The following WWOX variants were observed in gnomAD, a reference collection of about 807,000 sequenced individuals.
WWOX encodes WW domain-containing oxidoreductase.
A neutral mutation model predicts 46.2 loss-of-function variants in WWOX; 69 were observed. The ratio of observed to expected loss-of-function variants is 1.49; its 90% CI spans 1.23 to 1.82. The LOEUF (loss-of-function observed/expected upper bound fraction) is 1.82. Ranked by LOEUF, WWOX falls within the 40% of genes most tolerant of loss-of-function variation. The pLI is 0.00. For synonymous variants in WWOX, 359 were observed against 202.6 expected, an observed-to-expected ratio of 1.77 and a Z score of -6.56; for missense variants, 919 against 542.6, an observed-to-expected ratio of 1.69 and a Z score of -6.89.
chr16:78,685,700 T>A (rs189310295), intron 8 of WWOX, among the ~76,000 whole-genome samples: 13 of 152,320 alleles, frequency 8.5e-5, no homozygotes, highest in Admixed American at 8.5e-4. Flanking sequence ...AGAACTCCTG[T>A]CCTCCCTCTT....
chr16:78,578,437 C>T (rs1175142168), intron 8 of WWOX, among the ~76,000 whole-genome samples: 1 of 150,286 alleles, frequency 6.7e-6, no homozygotes, highest in Admixed American at 6.6e-5. Flanking sequence ...CTATAGGCGC[C>T]CACCACCATG....
At chr16:78,556,549 G>C (rs1340749909) in intron 8 of WWOX, among the ~76,000 whole-genome samples, 1 of 152,046 alleles carries the variant, frequency 6.6e-6, no homozygotes, top group East Asian at 1.9e-4. Context: ...AATGGAAATG[G>C]GTCTTGAAAT....
chr16:78,322,944 A>T (rs756575625), intron 5 of WWOX, among the ~76,000 whole-genome samples: 1 of 152,170 alleles, frequency 6.6e-6, no homozygotes, highest in Non-Finnish European at 1.5e-5. Flanking sequence ...TATGAAAACC[A>T]TTCTTAGTTT....
intron 8 of WWOX, among the ~76,000 whole-genome samples, chr16:78,688,540 C>G (rs1380133586): frequency 6.6e-6 from 1 of 152,134 alleles, no homozygotes; most frequent in East Asian, 1.9e-4. Flanking sequence ...GACAGGTGCC[C>G]TCCTCAGCGG....
At chr16:78,716,065 G>A (rs1427905949) in intron 8 of WWOX, among the ~76,000 whole-genome samples, 3 of 150,156 alleles carry the variant, frequency 2.0e-5, no homozygotes, top group Admixed American at 2.0e-4. Context: ...CTAAAGGAAA[G>A]GGGAAAAAAA....
intron 8 of WWOX, among the ~76,000 whole-genome samples, chr16:78,980,171 C>G (rs925711001): frequency 3.3e-5 from 5 of 152,140 alleles, no homozygotes; most frequent in African/African-American, 9.7e-5. Flanking sequence ...TCCTCCAACT[C>G]CCACCCCAAA....
intron 8 of WWOX, among the ~76,000 whole-genome samples, chr16:78,613,154 G>T (rs1396959768): frequency 6.6e-6 from 1 of 152,066 alleles, no homozygotes; most frequent in South Asian, 2.1e-4. Flanking sequence ...GACAAGTGAG[G>T]ACTCCCCTCC....
intron 5 of WWOX, among the ~76,000 whole-genome samples, chr16:78,284,256 T>C (rs747618484): frequency 6.6e-6 from 1 of 152,150 alleles, no homozygotes; most frequent in Non-Finnish European, 1.5e-5. Context: ...TTTTGCAGGA[T>C]AGTGGTTTCT....
rs201333228 is a variant in WWOX, at chr16:78,288,267, C to CT, written c.517-98577dup. Among the ~76,000 whole-genome samples, 335 of 124,630 alleles carry CT rather than the reference C, an allele frequency of 2.7e-3. 5 individuals carry two copies. The highest frequency in any genetic ancestry group is 9.0e-3 in the Middle Eastern group (2 of 222). 81.8% of individuals were successfully genotyped at this position (124,630 alleles called of 152,430 possible). On this transcript the variant is annotated intron_variant, in intron 5 of 8. Transcript: ENST00000566780. ...GTGTGATGAATTATTTATGAGTTTACTTTTTTTTTTTTTTTTGCTTTAACA... is the reference window on the plus strand; with the variant it reads ...GTGTGATGAATTATTTATGAGTTTACTTTTTTTTTTTTTTTTTGCTTTAACA...
chr16:78,343,141 C>T lies in WWOX; in HGVS notation c.517-43719C>T, dbSNP rs1320124655. On this transcript the variant is annotated intron_variant, in intron 5 of 8. Coordinates refer to ENST00000566780, the MANE Select transcript of WWOX (RefSeq NM_016373.4). ...AGCCTCATGAGACAACAGCAGGATG[C>T]AAGATTGTACAATGACACCATGACT... Among the ~76,000 whole-genome samples, 2 of 119,686 alleles carry T rather than the reference C, an allele frequency of 1.7e-5. 1 individual carries two copies. Among genetic ancestry groups the T allele is most frequent in the Non-Finnish European group, 4.0e-5 (2 of 50,254 alleles). 78.5% of individuals were successfully genotyped at this position (119,686 alleles called of 152,430 possible). A position where few individuals can be genotyped will look rare whatever the true frequency, so the allele number is the denominator to read the frequency against.
chr16:78,889,796 G>A (rs1186523017), intron 8 of WWOX, among the ~76,000 whole-genome samples: 1 of 152,152 alleles, frequency 6.6e-6, no homozygotes, highest in Non-Finnish European at 1.5e-5. Context: ...GCTGCCACCC[G>A]AGGTTTAAAG....
chr16:78,309,166 C>G (rs1311426943), intron 5 of WWOX, among the ~76,000 whole-genome samples: 2 of 152,274 alleles, frequency 1.3e-5, no homozygotes, highest in South Asian at 4.1e-4. Flanking sequence ...CCCCACAATC[C>G]CGACATGTCA....
At chr16:78,792,601 G>A (rs916859670) in intron 8 of WWOX, among the ~76,000 whole-genome samples, 1 of 152,164 alleles carries the variant, frequency 6.6e-6, no homozygotes, top group African/African-American at 2.4e-5. Flanking sequence ...GATTGATTTT[G>A]ATTCATTGCT....
chr16:78,433,914 C>T (rs1190919054), intron 8 of WWOX, among the ~76,000 whole-genome samples: 8 of 150,912 alleles, frequency 5.3e-5, no homozygotes, highest in Middle Eastern at 3.4e-3. Context: ...CTCAGCCTCC[C>T]AAGTAGCTGG....
At chr16:78,828,401 T>A (rs1166658328) in intron 8 of WWOX, among the ~76,000 whole-genome samples, 1 of 152,130 alleles carries the variant, frequency 6.6e-6, no homozygotes, top group Admixed American at 6.5e-5. Context: ...TTAGGCAATA[T>A]GACCGTGTAC....
intron 8 of WWOX, among the ~76,000 whole-genome samples, chr16:78,963,221 C>T (rs1016480220): frequency 1.3e-5 from 2 of 152,162 alleles, no homozygotes; most frequent in Non-Finnish European, 2.9e-5. Context: ...GTAATACCAG[C>T]ATTTTGAGAG....
chr16:78,739,127 G>A (rs930409889), intron 8 of WWOX, among the ~76,000 whole-genome samples: 2 of 152,160 alleles, frequency 1.3e-5, no homozygotes, highest in Non-Finnish European at 2.9e-5. Flanking sequence ...CAGCAGGCCA[G>A]TGGTAACCTC....
rs1181566977 is a variant in WWOX at position 78,891,079 on chromosome 16, C to T, written c.1057-320529C>T. The T allele has an allele frequency of 3.9e-5, 6 of 152,116 alleles. No individual in the cohort carries two copies. The South Asian group carries it at 6.2e-4, about 16-fold the overall frequency. The allele number at this position is 152,116 out of a possible 1,614,324, so 9.4% of individuals were successfully genotyped here. On this transcript the variant is annotated intron_variant, in intron 8 of 8. Coordinates refer to ENST00000566780, the MANE Select transcript of WWOX (RefSeq NM_016373.4). Reference sequence around the variant, plus strand: ...GTTTCATAGTGAATAAAAAGTGATCCTGGATGAATGAATAAAGTGAAATTC... The same window carrying T: ...GTTTCATAGTGAATAAAAAGTGATCTTGGATGAATGAATAAAGTGAAATTC...
intron 5 of WWOX, among the ~76,000 whole-genome samples, chr16:78,320,842 C>A (rs1182851671): frequency 6.6e-6 from 1 of 152,156 alleles, no homozygotes; most frequent in African/African-American, 2.4e-5. Flanking sequence ...CACAGGATTT[C>A]TGTCTTTAAT....
Sources: allele counts gnomAD v4.1 joint callset (sites outside exome capture counted in the v4.1 genomes callset), GRCh38; gene constraint gnomAD v4.1.1; transcripts MANE v1.5; gene names NCBI Gene and HGNC (gene_info 2026-07-23, HGNC 2026-07-21).